The following CUL9 variants were observed in gnomAD, a reference collection of about 807,000 sequenced individuals.
CUL9 encodes the protein cullin-9.
A neutral mutation model predicts 272.6 loss-of-function variants in CUL9; 79 were observed. The observed-to-expected ratio is 0.29, with a 90% confidence interval of 0.24 to 0.35. The LOEUF (loss-of-function observed/expected upper bound fraction) is 0.35. Among genes scored for constraint, CUL9 ranks in the 10% least tolerant of loss-of-function variants. CUL9 has a pLI of 1.00. For synonymous variants in CUL9, 1,186 were observed against 1,286.5 expected (o/e 0.92, Z 1.67); for missense variants, 2,532 against 3,255.6 (o/e 0.78, Z 5.41).
chr6:43,187,270 C>G lies in CUL9; in HGVS notation c.1412C>G (p.Pro471Arg). Reference protein sequence around the residue: ...GTAFPSWDWNPMDGLYPLPYL... With the variant: ...GTAFPSWDWNRMDGLYPLPYL... ...GCATTTCCCTCCTGGGACTGGAATC[C>G]TATGGATGGGCTGTACCCTTTGCCG... The change falls in exon 6 of 41, where the codon CCT becomes CGT. Residue 471 changes from proline to arginine, a missense_variant. By Grantham distance (103) the Pro-to-Arg change is moderately radical. Coordinates refer to ENST00000252050, the MANE Select transcript of CUL9 (RefSeq NM_015089.4). 6.2e-7 allele frequency: 1 copy of G among 1,613,952 alleles called. No homozygotes were observed. Among genetic ancestry groups the G allele is most frequent in the Non-Finnish European group, 8.5e-7 (1 of 1,179,960 alleles).
intron 4 of CUL9, 47 bp from the exon 5 acceptor site, chr6:43,186,913 G>T: frequency 6.2e-7 from 1 of 1,602,192 alleles, no homozygotes; most frequent in South Asian, 1.1e-5. Context: ...AGGCTCAGAG[G>T]GTTGAGCCTT....
At position 43,186,942 on chromosome 6, in the gene CUL9, C is replaced by T. The variant is rs766082664; in HGVS notation, c.1252-18C>T. The T allele has an allele frequency of 6.2e-7, 1 of 1,612,848 alleles. No individual in the cohort carries two copies. Among genetic ancestry groups the T allele is most frequent in the South Asian group, 1.1e-5 (1 of 90,922 alleles). ...GAGCCTTCTCTATTCTGCTCTCTTT[C>T]TTCCTCCCTCATACCAGGTTTTCTG... On this transcript the variant is annotated intron_variant, in intron 4 of 40. Transcript: ENST00000252050.
intron 11 of CUL9, among the ~76,000 whole-genome samples, chr6:43,197,598 C>T (rs532179369): frequency 2.6e-5 from 4 of 152,074 alleles, no homozygotes; most frequent in South Asian, 4.2e-4. Context: ...ATTCTCCTGC[C>T]TCAGCCTCCT....
Position 43,223,890 on chromosome 6 carries a change from G to C in CUL9, c.7285-205G>C. 1.6e-6 allele frequency: 1 copy of C among 607,564 alleles called. No individual in the cohort carries two copies. The highest frequency in any genetic ancestry group is 1.8e-5 in the African/African-American group (1 of 54,282). 37.6% of individuals were successfully genotyped at this position (607,564 alleles called of 1,614,324 possible). ...GATTCTGTAAGCTCTTTAAGCACAG[G>C]GTCGTGTGCCTCACCTGGTACCCCG... On this transcript the variant is annotated intron_variant, in intron 39 of 40. Transcript: ENST00000252050. This position sits in a 1 kb window ranked among gnomAD's most constrained non-coding sequence, Gnocchi z 4.1.
At position 43,206,614 on chromosome 6, in the gene CUL9, A is replaced by G; in HGVS notation, c.5212+104A>G. On this transcript the variant is annotated intron_variant, in intron 26 of 40. Transcript: ENST00000252050. This position sits in a 1 kb window ranked among gnomAD's most constrained non-coding sequence, Gnocchi z 4.8. ...ACAGGATATAGATGTGAAGAAAAAT[A>G]TCAGCTCCTAGCGAGGGATGAGAAA... 1 of 1,006,982 alleles carries G rather than the reference A, an allele frequency of 9.9e-7. No homozygotes were observed. The highest frequency in any genetic ancestry group is 1.6e-5 in the South Asian group (1 of 62,596). The allele number at this position is 1,006,982 out of a possible 1,614,324, so 62.4% of individuals were successfully genotyped here.
In CUL9 at chr6:43,221,361, G is replaced by T. The variant is rs749619315; in HGVS notation, c.6752+40G>T. 19 of 1,554,558 alleles carry T rather than the reference G, an allele frequency of 1.2e-5. No homozygotes were observed. Among genetic ancestry groups the T allele is most frequent in the Admixed American group, 3.9e-5 (2 of 51,796 alleles). The stretch of plus-strand genomic sequence containing the variant: ...ACTGTGGGGAGCCAGAGGGCAAGGA[G>T]GGGGGAGGAGGCCTGGCAGAAGGAG... On this transcript the variant is annotated intron_variant, in intron 34 of 40. Coordinates refer to ENST00000252050, the MANE Select transcript of CUL9 (RefSeq NM_015089.4). This position sits in a 1 kb window ranked among gnomAD's most constrained non-coding sequence, Gnocchi z 4.2.
At position 43,184,989 on chromosome 6, in the gene CUL9, G is replaced by T; in HGVS notation, c.595+84G>T. 2 of 1,023,628 alleles carry T rather than the reference G, an allele frequency of 2.0e-6. No individual in the cohort carries two copies. Among genetic ancestry groups the T allele is most frequent in the Non-Finnish European group, 2.8e-6 (2 of 716,660 alleles). 63.4% of individuals were successfully genotyped at this position (1,023,628 alleles called of 1,614,324 possible). ...GAAAGAGGAGAGATTTCCTAGCTCT[G>T]TAAGAACACCTAGTATTTGGTGAAT... is the stretch of plus-strand genomic sequence containing the variant. On this transcript the variant is annotated intron_variant, in intron 2 of 40. Transcript: ENST00000252050. This position sits in a 1 kb window ranked among gnomAD's most constrained non-coding sequence, Gnocchi z 4.8.
chr6:43,186,222 C>T lies in CUL9; in HGVS notation c.1018C>T (p.Pro340Ser). 1.2e-6 allele frequency: 2 copies of T among 1,614,256 alleles called. No individual in the cohort carries two copies. Among genetic ancestry groups the T allele is most frequent in the Admixed American group, 3.3e-5 (2 of 60,032 alleles). Residue 340 changes from proline to serine, a missense_variant, in exon 4 of 41, where the codon CCC (proline) becomes TCC (serine). This residue lies in a region of CUL9 where 2,218 missense variants were observed against 2,788.6 expected (regional missense o/e 0.80). Coordinates refer to ENST00000252050, the MANE Select transcript of CUL9 (RefSeq NM_015089.4). The stretch of plus-strand genomic sequence containing the variant: ...CCGGCCAACCCGGTCCATCTTTCAG[C>T]CCTACATTTCAGGCCCCAGCCTTTT... ...PPRPTRSIFQ[P>S]YISGPSLLLP...
chr6:43,196,927 C>A, intron 11 of CUL9, 65 bp downstream of exon 11: 1 of 1,322,780 alleles, frequency 7.6e-7, no homozygotes, highest in Non-Finnish European at 1.1e-6. Flanking sequence ...TACATATCAG[C>A]TCCTTACTGG....
intron 4 of CUL9, 123 bp downstream of exon 4, chr6:43,186,578 T>C: frequency 7.3e-7 from 1 of 1,365,172 alleles, no homozygotes; most frequent in Non-Finnish European, 9.8e-7. Context: ...ATTGGAATGA[T>C]ACAAGGGGGT....
chr6:43,190,908 T>G (rs1404490519), intron 8 of CUL9, among the ~76,000 whole-genome samples: 1 of 152,174 alleles, frequency 6.6e-6, no homozygotes, highest in East Asian at 1.9e-4. Context: ...AGGCACTTCT[T>G]CCTCTTCTTT....
intron 26 of CUL9, among the ~76,000 whole-genome samples, chr6:43,208,186 T>G (rs1191669798): frequency 6.6e-6 from 1 of 152,184 alleles, no homozygotes; most frequent in African/African-American, 2.4e-5. Context: ...ATAATTTAAT[T>G]GTAATCAGTT....
intron 10 of CUL9, 153 bp from the exon 11 acceptor site, chr6:43,196,492 G>A: frequency 1.2e-6 from 1 of 833,026 alleles, no homozygotes; most frequent in Non-Finnish European, 2.0e-6. Context: ...GGGTTTGGGA[G>A]GAGTGGCCCA....
rs1776513241 is a variant in CUL9, at chr6:43,223,191, A to G, written c.7151-73A>G. The G allele has an allele frequency of 4.6e-6, 7 of 1,512,894 alleles. No individual in the cohort carries two copies. The East Asian group carries it at 1.7e-4, about 37-fold the overall frequency. The allele number at this position is 1,512,894 out of a possible 1,614,324, so 93.7% of individuals were successfully genotyped here. A position where few individuals can be genotyped will look rare whatever the true frequency, so the allele number is the denominator to read the frequency against. ...GCACCTGGTGCTTGGTAGACGTTCC[A>G]TAGGTGTTTGTTGGAGGAAGGAATG... On this transcript the variant is annotated intron_variant, in intron 38 of 40. Coordinates refer to ENST00000252050, the MANE Select transcript of CUL9 (RefSeq NM_015089.4). The surrounding 1 kb of genome is among the most constrained non-coding windows in gnomAD (Gnocchi z 4.1).
chr6:43,204,030 C>T, intron 20 of CUL9, 43 bp downstream of exon 20: 1 of 1,546,280 alleles, frequency 6.5e-7, no homozygotes, highest in Non-Finnish European at 8.7e-7. Flanking sequence ...GTTCCTTGTC[C>T]TTATTCCCAG....
At chr6:43,211,578 T>C (rs554229461) in intron 26 of CUL9, among the ~76,000 whole-genome samples, 3 of 152,088 alleles carry the variant, frequency 2.0e-5, no homozygotes, top group East Asian at 3.9e-4. Context: ...AAAAAAAAAG[T>C]GTCTTCATTG....
At position 43,206,979 on chromosome 6, in the gene CUL9, G is replaced by C. The variant is rs760279804; in HGVS notation, c.5212+469G>C. Among the ~76,000 whole-genome samples, 24 of 152,064 alleles carry C rather than the reference G, an allele frequency of 1.6e-4. No homozygotes were observed. Among genetic ancestry groups the C allele is most frequent in the Non-Finnish European group, 3.1e-4 (21 of 68,020 alleles). On this transcript the variant is annotated intron_variant, in intron 26 of 40. Coordinates refer to ENST00000252050, the MANE Select transcript of CUL9 (RefSeq NM_015089.4). The surrounding 1 kb of genome is among the most constrained non-coding windows in gnomAD (Gnocchi z 4.8). ...CCTGTCTCAGCCTCCCAAGTAGCTG[G>C]GACTACAGGCGTATGCCACCACACC...
chr6:43,216,665 AGTGGTACCACCT>A (rs1775964584), intron 31 of CUL9, among the ~76,000 whole-genome samples, 162 bp downstream of exon 31: 2 of 152,188 alleles, frequency 1.3e-5, no homozygotes, highest in Admixed American at 1.3e-4. Flanking sequence ...GTCATCTGTA[AGTGGTACCACCT>A]GCCTTGACAC....
At chr6:43,216,544 C>T in intron 31 of CUL9, 41 bp downstream of exon 31, 1 of 1,514,638 alleles carries the variant, frequency 6.6e-7, no homozygotes, top group Non-Finnish European at 8.9e-7. Context: ...TGGCTTTCTG[C>T]CCTACCCTAA....
Sources: allele counts gnomAD v4.1 joint callset (sites outside exome capture counted in the v4.1 genomes callset), GRCh38; gene constraint gnomAD v4.1.1; regional missense constraint gnomAD v4.1.1; non-coding constraint Gnocchi (gnomAD v3.1); transcripts MANE v1.5; gene names NCBI Gene and HGNC (gene_info 2026-07-23, HGNC 2026-07-21).